MBOAT7: variants seen among roughly 807,000 people sequenced by gnomAD.
MBOAT7 encodes the protein membrane-bound acylglycerophosphatidylinositol O-acyltransferase MBOAT7.
A neutral mutation model predicts 47.4 loss-of-function variants in MBOAT7; 40 were observed. The observed-to-expected ratio is 0.84, with a 90% confidence interval of 0.66 to 1.10. The LOEUF (loss-of-function observed/expected upper bound fraction) is 1.10. MBOAT7 is among the 50% of genes least tolerant of loss of function. The pLI is 0.00. For missense variants in MBOAT7, 680 were observed against 655.6 expected (o/e 1.04, Z -0.41); for synonymous variants, 361 against 292.0 (o/e 1.24, Z -2.41).
Position 54,174,213 on chromosome 19 carries a change from A to G in MBOAT7, c.1250T>C (p.Leu417Pro). The change falls in exon 8 of 8, where the codon CTC becomes CCC. Residue 417 changes from leucine (L) to proline (P), a missense_variant. Transcript: ENST00000245615. ...GTACCGAAGGGTGTCGGCCAAGGAGAGCAGCACGAAGCCCATGCACATGTA... is the reference window on the plus strand; with the variant it reads ...GTACCGAAGGGTGTCGGCCAAGGAGGGCAGCACGAAGCCCATGCACATGTA... ...YDYMCMGFVL[L>P]SLADTLRYWA... 1.3e-6 allele frequency: 2 copies of G among 1,599,106 alleles called. No individual in the cohort carries two copies. The highest frequency in any genetic ancestry group is 1.7e-6 in the Non-Finnish European group (2 of 1,170,780).
At chr19:54,184,421 C>A (rs1310077207) in intron 4 of MBOAT7, among the ~76,000 whole-genome samples, 1 of 152,140 alleles carries the variant, frequency 6.6e-6, no homozygotes, top group Non-Finnish European at 1.5e-5. Context: ...CCACCAGTCC[C>A]AAGGTCCACC....
At chr19:54,178,445 A>G (rs2076170202) in intron 7 of MBOAT7, 1 of 1,295,550 alleles carries the variant, frequency 7.7e-7, no homozygotes, top group East Asian at 3.0e-5. Context: ...GAGGTCAACT[A>G]ACTCCTCAAG....
chr19:54,182,336 G>C lies in MBOAT7; in HGVS notation c.493+1185C>G, dbSNP rs113075579. 2.3e-3 allele frequency among the ~76,000 whole-genome samples: 355 copies of C among 152,226 alleles called. 1 individual carries two copies. The highest frequency in any genetic ancestry group is 7.9e-3 in the African/African-American group (328 of 41,522). ...TGTCCAGAACAGGCAAATCTTTACA[G>C]ATAGAAAGTCAATTACTGGTTACCA... On this transcript the variant is annotated intron_variant, in intron 5 of 7. Coordinates refer to ENST00000245615, the MANE Select transcript of MBOAT7 (RefSeq NM_024298.5).
At chr19:54,174,658 C>A (rs1600621031) in intron 7 of MBOAT7, among the ~76,000 whole-genome samples, 1 of 145,796 alleles carries the variant, frequency 6.9e-6, no homozygotes, top group Non-Finnish European at 1.5e-5. Context: ...CCAGACCCCA[C>A]CTCCCTCCTC....
At chr19:54,183,824 G>T in intron 4 of MBOAT7, 144 bp from the exon 5 acceptor site, 1 of 770,504 alleles carries the variant, frequency 1.3e-6, no homozygotes, top group Non-Finnish European at 1.9e-6. Context: ...AACGCCTCTA[G>T]CTGGGCGGTG....
At chr19:54,186,677 C>T (rs530078775) in intron 4 of MBOAT7, among the ~76,000 whole-genome samples, 2 of 152,176 alleles carry the variant, frequency 1.3e-5, no homozygotes, top group Middle Eastern at 3.2e-3. Context: ...GCTGTGTTCA[C>T]GGATAAGCCG....
chr19:54,183,027 T>A (rs540057765), intron 5 of MBOAT7, among the ~76,000 whole-genome samples: 10 of 152,244 alleles, frequency 6.6e-5, no homozygotes, highest in African/African-American at 2.4e-4. Context: ...ATTTATTTTT[T>A]AAAAATAAAG....
chr19:54,179,106 G>A (rs1409475722), intron 6 of MBOAT7, 165 bp from the exon 7 acceptor site: 1 of 932,376 alleles, frequency 1.1e-6, no homozygotes, highest in Non-Finnish European at 1.6e-6. Flanking sequence ...GTGGCCCAGA[G>A]GGTGCCTGTA....
At chr19:54,178,590 T>A in intron 7 of MBOAT7, 175 bp downstream of exon 7, 1 of 1,428,728 alleles carries the variant, frequency 7.0e-7, no homozygotes, top group Non-Finnish European at 9.1e-7. Flanking sequence ...GGGAACGATT[T>A]TACACCGGCA....
intron 3 of MBOAT7, among the ~76,000 whole-genome samples, chr19:54,187,902 C>G (rs968099290): frequency 6.6e-6 from 1 of 151,946 alleles, no homozygotes; most frequent in African/African-American, 2.4e-5. Context: ...GTAATCCCAG[C>G]TACTTGGGAG....
intron 3 of MBOAT7, 108 bp from the exon 4 acceptor site, chr19:54,187,395 A>G (rs1387066844): frequency 7.3e-7 from 1 of 1,376,994 alleles, no homozygotes; most frequent in East Asian, 2.5e-5. Flanking sequence ...CCATTCGTTT[A>G]GAGACAGAAA....
At chr19:54,186,973 G>A in intron 4 of MBOAT7, 188 bp downstream of exon 4, 1 of 679,872 alleles carries the variant, frequency 1.5e-6, no homozygotes, top group Non-Finnish European at 2.4e-6. Flanking sequence ...GGAGGAGCTG[G>A]GAGGTGAAGA....
chr19:54,174,346 G>A lies in MBOAT7; in HGVS notation c.1117C>T (p.Leu373=), dbSNP rs779434887. ...YLSFLTIPLC[L]AAEGRLESAL... is the part of the protein sequence containing the mutation. ...GACTCCAGCCGGCCCTCGGCAGCCA[G>A]GCACAGCGGGATGGTCAGGAAGCTC... Residue 373 remains leucine, a synonymous_variant, in exon 8 of 8, where the codon CTG becomes TTG. Coordinates refer to ENST00000245615, the MANE Select transcript of MBOAT7 (RefSeq NM_024298.5). 6.2e-7 allele frequency: 1 copy of A among 1,612,762 alleles called. No individual in the cohort carries two copies. The highest frequency in any genetic ancestry group is 1.3e-5 in the African/African-American group (1 of 74,880).
At position 54,174,249 on chromosome 19, in the gene MBOAT7, C is replaced by A; in HGVS notation, c.1214G>T (p.Arg405Leu). The A allele has an allele frequency of 1.2e-6, 2 of 1,608,870 alleles. No individual in the cohort carries two copies. The highest frequency in any genetic ancestry group is 1.7e-6 in the Non-Finnish European group (2 of 1,176,966). ...GCCCATGCACATGTAGTCATAGGCG[C>A]GCATCTTCAGGAACCAGTGCACCCA... ...WDWVHWFLKMRAYDYMCMGFV... is the reference protein window; with the variant it reads ...WDWVHWFLKMLAYDYMCMGFV... The change falls in exon 8 of 8, where the codon CGC (arginine) becomes CTC (leucine). Residue 405 changes from arginine (R) to leucine (L), a missense_variant. Coordinates refer to ENST00000245615, the MANE Select transcript of MBOAT7 (RefSeq NM_024298.5).
chr19:54,174,793 C>T (rs928977796), intron 7 of MBOAT7, among the ~76,000 whole-genome samples: 10 of 152,152 alleles, frequency 6.6e-5, no homozygotes, highest in African/African-American at 2.4e-4. Context: ...AGACCCATGA[C>T]CCTAGCTCCG....
At chr19:54,178,236 G>A in intron 7 of MBOAT7, 1 of 991,420 alleles carries the variant, frequency 1.0e-6, no homozygotes, top group African/African-American at 1.7e-5. Context: ...AGGCTGCACA[G>A]ATAACAGTGT....
chr19:54,184,042 T>C (rs946520023), intron 4 of MBOAT7, among the ~76,000 whole-genome samples: 31 of 152,144 alleles, frequency 2.0e-4, no homozygotes, highest in Admixed American at 1.8e-3. Context: ...CGGAACATGA[T>C]GTTACCCACC....
At chr19:54,182,827 A>G (rs945643591) in intron 5 of MBOAT7, among the ~76,000 whole-genome samples, 8 of 151,900 alleles carry the variant, frequency 5.3e-5, no homozygotes, top group Admixed American at 2.0e-4. Context: ...CAGCCTCCCA[A>G]GTAGCTGGGA....
At chr19:54,178,036 G>C (rs989764721) in intron 7 of MBOAT7, among the ~76,000 whole-genome samples, 1 of 142,428 alleles carries the variant, frequency 7.0e-6, no homozygotes, top group Non-Finnish European at 1.5e-5. Context: ...TCAGCCTCCC[G>C]AGTAGCTGGG....
Sources: gnomAD v4.1 joint callset for allele counts (sites outside exome capture counted in the v4.1 genomes callset) on GRCh38, gnomAD v4.1.1 for gene constraint, MANE v1.5 for transcripts, NCBI Gene and HGNC (gene_info 2026-07-23, HGNC 2026-07-21) for gene names.